CNNM2: variants seen among roughly 807,000 people sequenced by gnomAD.
CNNM2 encodes the protein metal transporter CNNM2.
CNNM2 carries 12 observed loss-of-function variants against 66.9 expected under a neutral mutation model. The ratio of observed to expected loss-of-function variants is 0.18; its 90% CI spans 0.11 to 0.29. CNNM2 has a LOEUF of 0.29. Ranked by LOEUF, CNNM2 falls within the 10% of genes least tolerant of loss-of-function variation. CNNM2 has a pLI of 1.00. For missense variants in CNNM2, 705 were observed against 1,167.7 expected (o/e 0.60, Z 5.77); for synonymous variants, 557 against 501.8 (o/e 1.11, Z -1.47).
intron 1 of CNNM2, among the ~76,000 whole-genome samples, chr10:102,999,657 C>A (rs868243149): frequency 4.6e-5 from 7 of 152,178 alleles, no homozygotes; most frequent in Non-Finnish European, 7.3e-5. Context: ...CTTCCCCCCC[C>A]ACCTCTCCGC....
chr10:103,064,670 C>T (rs769078917), intron 4 of CNNM2, among the ~76,000 whole-genome samples: 114 of 152,172 alleles, frequency 7.5e-4, no homozygotes, highest in Admixed American at 1.2e-3. Context: ...GAGACCCCGT[C>T]TCTATAAAAA....
At chr10:103,009,307 A>G (rs1428115762) in intron 1 of CNNM2, among the ~76,000 whole-genome samples, 1 of 152,150 alleles carries the variant, frequency 6.6e-6, no homozygotes, top group African/African-American at 2.4e-5. Flanking sequence ...TAACTTATAC[A>G]AATTATTCTC....
intron 1 of CNNM2, among the ~76,000 whole-genome samples, chr10:102,987,484 C>G (rs541306738): frequency 6.6e-6 from 1 of 152,024 alleles, no homozygotes; most frequent in East Asian, 1.9e-4. Context: ...CCACGCCTGG[C>G]TAATTTTTTT....
chr10:103,037,174 AATTG>A (rs2064956264), intron 1 of CNNM2, among the ~76,000 whole-genome samples: 1 of 151,464 alleles, frequency 6.6e-6, no homozygotes, highest in Non-Finnish European at 1.5e-5. Flanking sequence ...ATCATTTCCT[AATTG>A]ATCTTTTTAA....
intron 4 of CNNM2, among the ~76,000 whole-genome samples, chr10:103,067,863 C>T (rs1177015535): frequency 6.6e-6 from 1 of 152,132 alleles, no homozygotes; most frequent in African/African-American, 2.4e-5. Flanking sequence ...ACTGCTTTTC[C>T]AAGACAGGAG....
chr10:102,944,084 CT>C lies in CNNM2; in HGVS notation c.1621+24000del, dbSNP rs199757273. ...TCTTTAAGTTGCTACTTTCATAATT[CT>C]TTTTTTTTTTTTTTTTGAGATGGAG... On this transcript the variant is annotated intron_variant, in intron 1 of 7. Transcript: ENST00000369878. 2.1e-3 allele frequency among the ~76,000 whole-genome samples: 288 copies of C among 135,230 alleles called. No homozygotes were observed. Among genetic ancestry groups the C allele is most frequent in the Middle Eastern group, 4.0e-3 (1 of 252 alleles). 88.7% of individuals were successfully genotyped at this position (135,230 alleles called of 152,430 possible). A position where few individuals can be genotyped will look rare whatever the true frequency, so the allele number is the denominator to read the frequency against.
At chr10:102,996,395 G>T (rs561104048) in intron 1 of CNNM2, among the ~76,000 whole-genome samples, 2 of 152,040 alleles carry the variant, frequency 1.3e-5, no homozygotes, top group South Asian at 4.1e-4. Context: ...ATTTCATACT[G>T]TTTATAACTG....
intron 1 of CNNM2, among the ~76,000 whole-genome samples, chr10:102,925,068 G>A (rs891266978): frequency 2.0e-5 from 3 of 151,834 alleles, no homozygotes; most frequent in African/African-American, 4.8e-5. Context: ...AGGCTGAGAC[G>A]GGTGGATCAC....
In CNNM2 at chr10:103,038,077, C is replaced by G. The variant is rs553065277; in HGVS notation, c.1622-11630C>G. Among the ~76,000 whole-genome samples, 7 of 152,144 alleles carry G rather than the reference C, an allele frequency of 4.6e-5. No individual in the cohort carries two copies. In the South Asian group the frequency reaches 1.5e-3, roughly 32 times the overall value. ...CTGGTCTCGAACTCCTGACTTCAAG[C>G]CATTTGCGCACCTTAGCCTCCCAAA... On this transcript the variant is annotated intron_variant, in intron 1 of 7. Coordinates refer to ENST00000369878, the MANE Select transcript of CNNM2 (RefSeq NM_017649.5).
chr10:102,935,158 C>CAAA (rs71753183), intron 1 of CNNM2, among the ~76,000 whole-genome samples: 11 of 82,454 alleles, frequency 1.3e-4, no homozygotes, highest in Non-Finnish European at 1.4e-4. Flanking sequence ...GACTCCATCT[C>CAAA]AAAAAAAAAA....
rs1362711214 is a variant in CNNM2 at position 103,023,956 on chromosome 10, T to A, written c.1622-25751T>A. On this transcript the variant is annotated intron_variant, in intron 1 of 7. Transcript: ENST00000369878. ...AAAGAAAGTTACAGATATCATACTTTATCCTAAACTGTTTTTGCATACTTC... is the reference window on the plus strand; with the variant it reads ...AAAGAAAGTTACAGATATCATACTTAATCCTAAACTGTTTTTGCATACTTC... Among the ~76,000 whole-genome samples the A allele has an allele frequency of 4.6e-5, 7 of 152,302 alleles. No individual in the cohort carries two copies. In the East Asian group the frequency reaches 1.2e-3, roughly 25 times the overall value.
intron 4 of CNNM2, among the ~76,000 whole-genome samples, chr10:103,067,970 G>C (rs1305870148): frequency 1.3e-5 from 2 of 152,224 alleles, no homozygotes; most frequent in Non-Finnish European, 2.9e-5. Flanking sequence ...GTGCTCGTGA[G>C]ACAGAGTGGG....
chr10:102,991,345 A>G (rs1445164703), intron 1 of CNNM2, among the ~76,000 whole-genome samples: 1 of 152,106 alleles, frequency 6.6e-6, no homozygotes, highest in African/African-American at 2.4e-5. Flanking sequence ...TCTTCATAAA[A>G]TCCCTCCAAC....
intron 1 of CNNM2, among the ~76,000 whole-genome samples, chr10:102,965,296 C>G (rs1259963900): frequency 1.3e-5 from 2 of 152,146 alleles, no homozygotes; most frequent in African/African-American, 4.8e-5. Context: ...AAAATGATCT[C>G]AGTATTCTTT....
intron 5 of CNNM2, 102 bp downstream of exon 5, chr10:103,068,824 C>A: frequency 1.1e-6 from 1 of 935,716 alleles, no homozygotes; most frequent in Non-Finnish European, 1.6e-6. Context: ...ACCCCATTCA[C>A]TTCCTTTTTG....
chr10:102,950,787 C>T (rs1846796966), intron 1 of CNNM2, among the ~76,000 whole-genome samples: 1 of 152,000 alleles, frequency 6.6e-6, no homozygotes, highest in African/African-American at 2.4e-5. Flanking sequence ...GGAAAACTCA[C>T]TGTAATTTTA....
At position 103,026,601 on chromosome 10, in the gene CNNM2, CAAAAAAAAAAAAA is replaced by C. The variant is rs887780071; in HGVS notation, c.1622-23094_1622-23082del. 2.2e-4 allele frequency among the ~76,000 whole-genome samples: 14 copies of C among 64,918 alleles called. No homozygotes were observed. The South Asian group carries it at 5.1e-3, about 24-fold the overall frequency. The allele number at this position is 64,918 out of a possible 152,430, so 42.6% of individuals were successfully genotyped here. ...TAGGGACAGAGTGAGACCTTGTCTTCAAAAAAAAAAAAAAAAAAAAAAAAGGTTTGGAAACAGA... is the reference window on the plus strand; with the variant it reads ...TAGGGACAGAGTGAGACCTTGTCTTCAAAAAAAAAAAGGTTTGGAAACAGA... On this transcript the variant is annotated intron_variant, in intron 1 of 7. Coordinates refer to ENST00000369878, the MANE Select transcript of CNNM2 (RefSeq NM_017649.5).
At chr10:103,059,700 C>A (rs1320881721) in intron 4 of CNNM2, among the ~76,000 whole-genome samples, 3 of 151,966 alleles carry the variant, frequency 2.0e-5, no homozygotes, top group African/African-American at 7.3e-5. Context: ...GAAATAGGAA[C>A]ATGATTTTGG....
chr10:103,027,369 A>T (rs1211044891), intron 1 of CNNM2: 1 of 152,230 alleles, frequency 6.6e-6, no homozygotes, highest in Admixed American at 6.5e-5. Flanking sequence ...TCACAGAGGA[A>T]ATATGACAAA....
Sources: gnomAD v4.1 joint callset for allele counts (sites outside exome capture counted in the v4.1 genomes callset) on GRCh38, gnomAD v4.1.1 for gene constraint, MANE v1.5 for transcripts, NCBI Gene and HGNC (gene_info 2026-07-23, HGNC 2026-07-21) for gene names.